LOXHD1: variants seen among roughly 807,000 people sequenced by gnomAD.
LOXHD1 encodes lipoxygenase homology PLAT domains 1, also known as lipoxygenase homology domain-containing protein 1.
LOXHD1 carries 205 observed loss-of-function variants against 248.2 expected under a neutral mutation model. The ratio of observed to expected loss-of-function variants is 0.83; its 90% CI spans 0.74 to 0.93. LOXHD1 has a LOEUF of 0.93. Ranked by LOEUF, LOXHD1 falls within the 40% of genes least tolerant of loss-of-function variation. LOXHD1 has a pLI of 0.00. For synonymous variants in LOXHD1, 1,113 were observed against 1,162.8 expected (o/e 0.96, Z 0.87); for missense variants, 2,930 against 2,971.6 (o/e 0.99, Z 0.33).
At position 46,482,304 on chromosome 18, in the gene LOXHD1, AG is replaced by A. The variant is rs999715260; in HGVS notation, c.6341+1282del. ...AGATGGGGGACTTCAAGAGATAATT[AG>A]GTTTAGATAAGGTCATGAGGGTGGG... On this transcript the variant is annotated intron_variant, in intron 40 of 40. Coordinates refer to ENST00000642948, the MANE Select transcript of LOXHD1 (RefSeq NM_001384474.1). Among the ~76,000 whole-genome samples, 77 of 152,188 alleles carry A rather than the reference AG, an allele frequency of 5.1e-4. 4 individuals carry two copies.
intron 37 of LOXHD1, among the ~76,000 whole-genome samples, chr18:46,490,271 C>T (rs2033371297): frequency 6.6e-6 from 1 of 152,200 alleles, no homozygotes; most frequent in African/African-American, 2.4e-5. Flanking sequence ...AAGATAGACA[C>T]ACACTTGCAG....
chr18:46,582,112 G>A (rs1362771190), intron 12 of LOXHD1, among the ~76,000 whole-genome samples: 1 of 152,112 alleles, frequency 6.6e-6, no homozygotes, highest in Admixed American at 6.5e-5. Context: ...ACCAGAAAAA[G>A]CAATGACATA....
At position 46,483,982 on chromosome 18, in the gene LOXHD1, G is replaced by T. The variant is rs188458638; in HGVS notation, c.6183-237C>A. 8.3e-4 allele frequency among the ~76,000 whole-genome samples: 127 copies of T among 152,250 alleles called. 1 individual carries two copies. The East Asian group carries it at 0.014, about 17-fold the overall frequency. On this transcript the variant is annotated intron_variant, in intron 39 of 40. Coordinates refer to ENST00000642948, the MANE Select transcript of LOXHD1 (RefSeq NM_001384474.1). ...CTCAGCACCAAAGAATGGTGACATC[G>T]TTATGCAGGATGGAGATGGGGAGGG... is the stretch of plus-strand genomic sequence containing the variant.
Position 46,483,686 on chromosome 18 carries a change from C to T in LOXHD1, c.6242G>A (p.Cys2081Tyr). ...GTCTTCCCTGGCAAGGTGGCCCACACAGAGGGAGGCAATGTCCCCCAAGTA... is the reference window on the plus strand; with the variant it reads ...GTCTTCCCTGGCAAGGTGGCCCACATAGAGGGAGGCAATGTCCCCCAAGTA... ...SIYLGDIASL[C>Y]VGHLAREDRF... Residue 2081 changes from cysteine (C) to tyrosine (Y), a missense_variant, in exon 40 of 41, where the codon TGT (cysteine) becomes TAT (tyrosine). Cys to Tyr is a radical substitution (Grantham distance 194, BLOSUM62 -2). Coordinates refer to ENST00000642948, the MANE Select transcript of LOXHD1 (RefSeq NM_001384474.1). 6.4e-7 allele frequency: 1 copy of T among 1,551,784 alleles called. No homozygotes were observed. Among genetic ancestry groups the T allele is most frequent in the Non-Finnish European group, 8.7e-7 (1 of 1,147,010 alleles).
At chr18:46,534,216 T>C (rs926369680) in intron 27 of LOXHD1, 119 bp downstream of exon 27, 1 of 657,666 alleles carries the variant, frequency 1.5e-6, no homozygotes, top group Non-Finnish European at 2.6e-6. Flanking sequence ...GAATTTTCAT[T>C]ATGAGATTTT....
chr18:46,567,431 C>T (rs1407400627), intron 16 of LOXHD1, among the ~76,000 whole-genome samples: 2 of 152,232 alleles, frequency 1.3e-5, no homozygotes, highest in African/African-American at 2.4e-5. Flanking sequence ...CTGGAATTAT[C>T]AGAAGAAAAC....
chr18:46,625,921 A>C (rs193262021), intron 4 of LOXHD1, among the ~76,000 whole-genome samples: 1 of 151,986 alleles, frequency 6.6e-6, no homozygotes, highest in Non-Finnish European at 1.5e-5. Context: ...TCCAACCCAG[A>C]CTCTAGTAGA....
intron 37 of LOXHD1, among the ~76,000 whole-genome samples, chr18:46,496,209 T>C (rs1488221400): frequency 6.6e-6 from 1 of 152,250 alleles, no homozygotes; most frequent in East Asian, 1.9e-4. Flanking sequence ...ACTGATTCAA[T>C]TGTGAATCAC....
intron 1 of LOXHD1, among the ~76,000 whole-genome samples, chr18:46,654,364 T>TG (rs1265023704): frequency 6.6e-6 from 1 of 152,230 alleles, no homozygotes; most frequent in Admixed American, 6.5e-5. Flanking sequence ...CAACAGATGC[T>TG]GGGGGACTCC....
intron 37 of LOXHD1, among the ~76,000 whole-genome samples, chr18:46,491,937 G>T (rs931607046): frequency 2.0e-5 from 3 of 152,182 alleles, no homozygotes; most frequent in African/African-American, 7.2e-5. Flanking sequence ...TCAAAAATTG[G>T]CATTGTCTGA....
chr18:46,643,355 C>A (rs533189533), intron 2 of LOXHD1, among the ~76,000 whole-genome samples: 11 of 152,158 alleles, frequency 7.2e-5, no homozygotes, highest in Non-Finnish European at 1.3e-4. Flanking sequence ...GGGCAAAGTG[C>A]CCAGAGTTTC....
chr18:46,576,735 T>C (rs2037862940), intron 14 of LOXHD1, among the ~76,000 whole-genome samples: 1 of 152,216 alleles, frequency 6.6e-6, no homozygotes, highest in Non-Finnish European at 1.5e-5. Context: ...CATTGACCTA[T>C]GGAGCCCTCC....
chr18:46,541,513 C>G (rs997423881), intron 25 of LOXHD1, among the ~76,000 whole-genome samples: 1 of 152,118 alleles, frequency 6.6e-6, no homozygotes, highest in African/African-American at 2.4e-5. Flanking sequence ...GAATCTGAAC[C>G]CTCGAGAGGT....
At position 46,639,798 on chromosome 18, in the gene LOXHD1, A is replaced by G. The variant is rs556403714; in HGVS notation, c.329T>C (p.Ile110Thr). 16 of 1,551,712 alleles carry G rather than the reference A, an allele frequency of 1.0e-5. No individual in the cohort carries two copies. In the East Asian group the frequency reaches 3.9e-4, roughly 38 times the overall value. ...ATTCAAGCCCGTGTTGTCATGCTCA[A>G]TCCTGAGGCAGAAGCCAAGGCCCAC... ...NNVGLIYKVR[I>T]EHDNTGLNAS... Residue 110 changes from isoleucine (I) to threonine (T), a missense_variant and splice_region_variant, in exon 4 of 41, where the codon ATT (isoleucine) becomes ACT (threonine). Ile to Thr is a moderately conservative substitution (Grantham distance 89). Transcript: ENST00000642948.
chr18:46,656,441 T>C (rs1304320717), intron 1 of LOXHD1, among the ~76,000 whole-genome samples: 1 of 152,006 alleles, frequency 6.6e-6, no homozygotes, highest in African/African-American at 2.4e-5. Context: ...GGGATGGACA[T>C]CTCCTTGCAA....
chr18:46,582,160 G>T (rs2037976300), intron 12 of LOXHD1, among the ~76,000 whole-genome samples: 1 of 152,120 alleles, frequency 6.6e-6, no homozygotes, highest in Non-Finnish European at 1.5e-5. Flanking sequence ...TTTTTTGTTT[G>T]TGAATCTTTT....
intron 40 of LOXHD1, among the ~76,000 whole-genome samples, chr18:46,479,043 C>A (rs947909864): frequency 1.3e-5 from 2 of 152,036 alleles, no homozygotes; most frequent in African/African-American, 4.8e-5. Flanking sequence ...CAAGCTCACT[C>A]CCATCTGCAG....
chr18:46,617,876 G>A (rs1383048095), intron 5 of LOXHD1, among the ~76,000 whole-genome samples: 1 of 152,256 alleles, frequency 6.6e-6, no homozygotes, highest in Non-Finnish European at 1.5e-5. Context: ...TAGGAAGATA[G>A]AGTAAGTGAG....
intron 16 of LOXHD1, among the ~76,000 whole-genome samples, chr18:46,567,175 A>T (rs1167344238): frequency 6.6e-6 from 1 of 152,160 alleles, no homozygotes; most frequent in Non-Finnish European, 1.5e-5. Flanking sequence ...TTTCTTTTTG[A>T]AATGCTGTAT....
Sources: gnomAD v4.1 joint callset for allele counts (sites outside exome capture counted in the v4.1 genomes callset) on GRCh38, gnomAD v4.1.1 for gene constraint, MANE v1.5 for transcripts, NCBI Gene and HGNC (gene_info 2026-07-23, HGNC 2026-07-21) for gene names.